IRS1: variants seen among roughly 807,000 people sequenced by gnomAD.
IRS1 encodes insulin receptor substrate 1.
In IRS1, 34 loss-of-function variants were observed where a neutral mutation model predicts 65.6. The ratio of observed to expected loss-of-function variants is 0.52; its 90% CI spans 0.39 to 0.69. The LOEUF (loss-of-function observed/expected upper bound fraction) is 0.69, where lower values mean the gene tolerates loss of function less well. Among genes scored for constraint, IRS1 ranks in the 30% least tolerant of loss-of-function variants. IRS1 has a pLI of 0.00. For missense variants in IRS1, 1,641 were observed against 1,720.2 expected (o/e 0.95, Z 0.81); for synonymous variants, 699 against 683.5 (o/e 1.02, Z -0.35).
chr2:226,761,141 C>A (rs1938907167), intron 1 of IRS1, among the ~76,000 whole-genome samples: 1 of 152,198 alleles, frequency 6.6e-6, no homozygotes, highest in African/African-American at 2.4e-5. Flanking sequence ...AGAAATCAAG[C>A]TGGGTTCTAT....
chr2:226,743,855 T>C (rs1477745452), intron 1 of IRS1, among the ~76,000 whole-genome samples: 1 of 152,212 alleles, frequency 6.6e-6, no homozygotes, highest in Non-Finnish European at 1.5e-5. Context: ...GTATGGATGG[T>C]GAAAATTGTG....
Position 226,795,926 on chromosome 2 carries a change from G to A in IRS1, c.2813C>T (p.Thr938Ile), listed in dbSNP as rs1939711342. ...CAGGTCCATCTTCATGTACTCCTCA[G>A]TGCCAGTCTCTTCCTCTCTGGGAGC... ...QPAPREEETG[T>I]EEYMKMDLGP... The change falls in exon 1 of 2, where the codon ACT (threonine) becomes ATT (isoleucine). Residue 938 changes from threonine (T) to isoleucine (I), a missense_variant. Thr to Ile is a moderately conservative substitution (Grantham distance 89, BLOSUM62 -1). This residue lies in a region of IRS1 where 1,324 missense variants were observed against 1,361.0 expected (regional missense o/e 0.97). Transcript: ENST00000305123. 6.2e-7 allele frequency: 1 copy of A among 1,613,922 alleles called. No individual in the cohort carries two copies. Among genetic ancestry groups the A allele is most frequent in the South Asian group, 1.1e-5 (1 of 91,094 alleles).
In IRS1 at chr2:226,796,696, G is replaced by A. The variant is rs1939735605; in HGVS notation, c.2043C>T (p.Ser681=). 1.2e-6 allele frequency: 2 copies of A among 1,613,902 alleles called. No individual in the cohort carries two copies. The highest frequency in any genetic ancestry group is 1.7e-6 in the Non-Finnish European group (2 of 1,179,900). The change falls in exon 1 of 2, where the codon AGC becomes AGT. Residue 681 remains serine (S), a synonymous_variant. Coordinates refer to ENST00000305123, the MANE Select transcript of IRS1 (RefSeq NM_005544.3). ...GGACGGCGTTGCTGCTGCTGCTGCT[G>A]CTGCTGGGGCCACCTCCAATGTCAG... ...CSPDIGGGPS[S]SSSSSNAVPS...
chr2:226,766,109 C>T (rs1383762827), intron 1 of IRS1, among the ~76,000 whole-genome samples: 2 of 89,484 alleles, frequency 2.2e-5, no homozygotes, highest in African/African-American at 4.4e-5. Context: ...TTCCCAAGGC[C>T]CTCTCTTAAT....
At chr2:226,749,264 T>C (rs527260915) in intron 1 of IRS1, among the ~76,000 whole-genome samples, 1 of 152,324 alleles carries the variant, frequency 6.6e-6, no homozygotes, top group African/African-American at 2.4e-5. Flanking sequence ...TGTAACAATG[T>C]AAGCAAGAGT....
chr2:226,761,693 G>T (rs1938916353), intron 1 of IRS1, among the ~76,000 whole-genome samples: 1 of 152,152 alleles, frequency 6.6e-6, no homozygotes, highest in African/African-American at 2.4e-5. Context: ...AATTTGAGCA[G>T]AACTAGAATT....
intron 1 of IRS1, among the ~76,000 whole-genome samples, chr2:226,746,855 T>C (rs955171058): frequency 6.7e-6 from 1 of 150,314 alleles, no homozygotes; most frequent in Non-Finnish European, 1.5e-5. Context: ...AGTGGCTTGA[T>C]CTCAGCTTAC....
At chr2:226,764,333 CG>C (rs57143321) in intron 1 of IRS1, among the ~76,000 whole-genome samples, 11,610 of 151,766 alleles carry the variant, frequency 0.076, 747 homozygotes, top group African/African-American at 0.18. Context: ...TGCTTGAGGT[CG>C]GAAGTTTGAG....
At chr2:226,775,107 A>C (rs1342967174) in intron 1 of IRS1, among the ~76,000 whole-genome samples, 1 of 152,244 alleles carries the variant, frequency 6.6e-6, no homozygotes, top group Non-Finnish European at 1.5e-5. Flanking sequence ...TACACCTAGG[A>C]AGTCACTGAT....
In IRS1 at chr2:226,799,517, G is replaced by C; in HGVS notation, c.-779C>G. The C allele has an allele frequency of 2.7e-6, 3 of 1,120,562 alleles. No homozygotes were observed. The highest frequency in any genetic ancestry group is 3.3e-6 in the Non-Finnish European group (3 of 898,232). The allele number at this position is 1,120,562 out of a possible 1,614,324, so 69.4% of individuals were successfully genotyped here. A position where few individuals can be genotyped will look rare whatever the true frequency, so the allele number is the denominator to read the frequency against. On this transcript the variant is annotated 5_prime_UTR_variant, in exon 1 of 2. Coordinates refer to ENST00000305123, the MANE Select transcript of IRS1 (RefSeq NM_005544.3). This position sits in a 1 kb window ranked among gnomAD's most constrained non-coding sequence, Gnocchi z 6.1. ...CAGCTGGGGACCGGCCGGAGGGACA[G>C]ACTCATCCCTGCCCCTCGCTCCAGG...
intron 1 of IRS1, among the ~76,000 whole-genome samples, chr2:226,759,893 C>G (rs2106166352): frequency 6.6e-6 from 1 of 152,276 alleles, no homozygotes; most frequent in East Asian, 1.9e-4. Flanking sequence ...AAGAGTTATG[C>G]GCTGGGTGCT....
chr2:226,786,013 G>A (rs952275922), intron 1 of IRS1, among the ~76,000 whole-genome samples: 6 of 149,246 alleles, frequency 4.0e-5, no homozygotes, highest in East Asian at 2.0e-4. Flanking sequence ...TTGTCCTTGC[G>A]ATAGTTTGCT....
intron 1 of IRS1, among the ~76,000 whole-genome samples, chr2:226,765,475 G>A (rs765753159): frequency 2.6e-5 from 4 of 152,204 alleles, no homozygotes; most frequent in South Asian, 4.2e-4. Flanking sequence ...ACTTTTTATC[G>A]GGGCCCTGTG....
chr2:226,779,597 T>C (rs931498072), intron 1 of IRS1, among the ~76,000 whole-genome samples: 1 of 152,260 alleles, frequency 6.6e-6, no homozygotes, highest in Non-Finnish European at 1.5e-5. Flanking sequence ...AAGTCTTATT[T>C]AAAATAAAAT....
At chr2:226,783,076 A>G (rs1939418080) in intron 1 of IRS1, among the ~76,000 whole-genome samples, 1 of 152,228 alleles carries the variant, frequency 6.6e-6, no homozygotes, top group African/African-American at 2.4e-5. Flanking sequence ...TATTTTCACC[A>G]TCCACCAATG....
chr2:226,766,137 ATATATATATATATATATATATATATATTT>A (rs1939031198), intron 1 of IRS1, among the ~76,000 whole-genome samples: 2 of 2,974 alleles, frequency 6.7e-4, no homozygotes, highest in African/African-American at 1.6e-3. Flanking sequence ...ATATATATAT[ATATATATATATATATATATATATATATTT>A]TTTTTTTTTT....
rs1295643078 is a variant in IRS1 at position 226,797,886 on chromosome 2, G to A, written c.853C>T (p.Arg285Cys). The A allele has an allele frequency of 6.2e-7, 1 of 1,610,684 alleles. No homozygotes were observed. The highest frequency in any genetic ancestry group is 8.5e-7 in the Non-Finnish European group (1 of 1,178,438). The change falls in exon 1 of 2, where the codon CGC becomes TGC. Residue 285 changes from arginine to cysteine, a missense_variant. Coordinates refer to ENST00000305123, the MANE Select transcript of IRS1 (RefSeq NM_005544.3). This position sits in a 1 kb window ranked among gnomAD's most constrained non-coding sequence, Gnocchi z 8.1. ...NCSNPISVPL[R>C]RHHLNNPPPS... The stretch of plus-strand genomic sequence containing the variant: ...GGGGGATTGTTGAGATGGTGCCGGC[G>A]CAGGGGGACGCTGATGGGGTTAGAG...
At chr2:226,786,254 T>C (rs577607072) in intron 1 of IRS1, among the ~76,000 whole-genome samples, 15 of 152,026 alleles carry the variant, frequency 9.9e-5, no homozygotes, top group African/African-American at 3.1e-4. Context: ...TTTGGGTATA[T>C]ACCCAGTAAT....
Position 226,797,904 on chromosome 2 carries a change from G to T in IRS1, c.835C>A (p.Pro279Thr). Residue 279 changes from proline (P) to threonine (T), a missense_variant, in exon 1 of 2, where the codon CCC becomes ACC. Coordinates refer to ENST00000305123, the MANE Select transcript of IRS1 (RefSeq NM_005544.3). The surrounding 1 kb of genome is among the most constrained non-coding windows in gnomAD (Gnocchi z 8.1). ...KSQSSSNCSN[P>T]ISVPLRRHHL... ...TGCCGGCGCAGGGGGACGCTGATGG[G>T]GTTAGAGCAGTTGGACGAGGACTGG... 1 of 1,613,692 alleles carries T rather than the reference G, an allele frequency of 6.2e-7. No homozygotes were observed. Among genetic ancestry groups the T allele is most frequent in the Non-Finnish European group, 8.5e-7 (1 of 1,179,966 alleles).
Sources: allele counts gnomAD v4.1 joint callset (sites outside exome capture counted in the v4.1 genomes callset), GRCh38; gene constraint gnomAD v4.1.1; regional missense constraint gnomAD v4.1.1; non-coding constraint Gnocchi (gnomAD v3.1); transcripts MANE v1.5; gene names NCBI Gene and HGNC (gene_info 2026-07-23, HGNC 2026-07-21).